The following TOGARAM1 variants were observed in gnomAD, a reference collection of about 807,000 sequenced individuals.
TOGARAM1 encodes the protein TOG array regulator of axonemal microtubules 1, also known as TOG array regulator of axonemal microtubules protein 1.
In TOGARAM1, 100 loss-of-function variants were observed where a neutral mutation model predicts 166.6. That is an observed-to-expected ratio of 0.60 (90% confidence interval 0.51 to 0.71). The LOEUF is 0.71. TOGARAM1 is among the 30% of genes least tolerant of loss of function. The probability of loss-of-function intolerance (pLI) is 0.00; values close to 1 mark genes in which losing one functional copy is unlikely to be tolerated. For synonymous variants in TOGARAM1, 758 were observed against 763.8 expected (o/e 0.99, Z 0.13); for missense variants, 2,029 against 2,102.7 (o/e 0.96, Z 0.69).
intron 1 of TOGARAM1, among the ~76,000 whole-genome samples, chr14:44,971,203 T>C (rs1420337519): frequency 6.6e-6 from 1 of 152,202 alleles, no homozygotes; most frequent in African/African-American, 2.4e-5. Context: ...CTTTCTGTTT[T>C]GGAAGGTTAT....
At chr14:45,015,307 AAAATAAAT>A (rs34431693) in intron 7 of TOGARAM1, among the ~76,000 whole-genome samples, 5,727 of 146,762 alleles carry the variant, frequency 0.039, 176 homozygotes, top group East Asian at 0.12. Flanking sequence ...CCTATCTCAA[AAAATAAAT>A]AAATAAATAA....
intron 16 of TOGARAM1, among the ~76,000 whole-genome samples, chr14:45,057,286 G>A (rs973132501): frequency 4.6e-5 from 7 of 152,062 alleles, no homozygotes; most frequent in African/African-American, 1.4e-4. Context: ...TGAATCTTGC[G>A]GGGTATGGGG....
intron 14 of TOGARAM1, among the ~76,000 whole-genome samples, chr14:45,049,642 A>G (rs1325461337): frequency 6.6e-6 from 1 of 152,150 alleles, no homozygotes; most frequent in African/African-American, 2.4e-5. Context: ...ACTGTACTAT[A>G]TGATATAACA....
At chr14:44,991,638 A>T (rs1887141031) in intron 1 of TOGARAM1, among the ~76,000 whole-genome samples, 1 of 152,210 alleles carries the variant, frequency 6.6e-6, no homozygotes, top group Admixed American at 6.5e-5. Context: ...TCAGTAAGGA[A>T]CTATGAGTCT....
chr14:45,046,774 T>G, intron 14 of TOGARAM1, 71 bp downstream of exon 14: 4 of 1,185,610 alleles, frequency 3.4e-6, no homozygotes, highest in Non-Finnish European at 4.3e-6. Context: ...AAAGAAAGTT[T>G]AAAGAAGAAT....
chr14:44,978,886 C>A (rs1171456940), intron 1 of TOGARAM1, among the ~76,000 whole-genome samples: 1 of 151,504 alleles, frequency 6.6e-6, no homozygotes, highest in African/African-American at 2.4e-5. Context: ...GTAGTCTCAG[C>A]TCCTCAGGAG....
At chr14:45,030,845 G>T (rs1881116847) in intron 10 of TOGARAM1, among the ~76,000 whole-genome samples, 1 of 152,118 alleles carries the variant, frequency 6.6e-6, no homozygotes, top group African/African-American at 2.4e-5. Flanking sequence ...CCACTCATTA[G>T]CAATGGAACC....
intron 2 of TOGARAM1, among the ~76,000 whole-genome samples, chr14:44,998,518 C>T (rs577662926): frequency 7.2e-5 from 11 of 152,262 alleles, no homozygotes; most frequent in Non-Finnish European, 1.3e-4. Context: ...AGTTCGAGAC[C>T]AGCCTTAAAT....
intron 1 of TOGARAM1, among the ~76,000 whole-genome samples, chr14:44,993,605 G>T (rs539797112): frequency 1.2e-3 from 175 of 152,140 alleles, no homozygotes; most frequent in South Asian, 5.6e-3. Context: ...TTCGTTCATT[G>T]TTTCGTCCCA....
chr14:44,966,591 A>G (rs572308713), intron 1 of TOGARAM1, among the ~76,000 whole-genome samples: 3 of 152,268 alleles, frequency 2.0e-5, no homozygotes, highest in African/African-American at 2.4e-5. Flanking sequence ...TAATAATTAC[A>G]TATTATTTTT....
intron 1 of TOGARAM1, among the ~76,000 whole-genome samples, chr14:44,987,230 T>C (rs1034143888): frequency 2.6e-5 from 4 of 151,770 alleles, no homozygotes; most frequent in Non-Finnish European, 5.9e-5. Flanking sequence ...TGAGCCACTG[T>C]GCCCAGCCAT....
chr14:44,962,623 G>A lies in TOGARAM1; in HGVS notation c.202G>A (p.Ala68Thr), dbSNP rs1885224542. ...CTGCCCCACTACAACTTCGCCTCTG[G>A]CCTCGGCCCTCTTGATGCCCTCGGA... is the stretch of plus-strand genomic sequence containing the variant. ...GSCPTTTSPL[A>T]SALLMPSEAV... Residue 68 changes from alanine to threonine, a missense_variant, in exon 1 of 20, where the codon GCC becomes ACC. Ala to Thr is a moderately conservative substitution (Grantham distance 58, BLOSUM62 0). Coordinates refer to ENST00000361462, the MANE Select transcript of TOGARAM1 (RefSeq NM_001308120.2). The A allele has an allele frequency of 6.2e-7, 1 of 1,613,776 alleles. No individual in the cohort carries two copies. Among genetic ancestry groups the A allele is most frequent in the Non-Finnish European group, 8.5e-7 (1 of 1,179,762 alleles).
At chr14:45,007,464 TATA>T (rs1395210053) in intron 5 of TOGARAM1, 1 of 152,146 alleles carries the variant, frequency 6.6e-6, no homozygotes, top group African/African-American at 2.4e-5. Flanking sequence ...GCTTTGTTTT[TATA>T]ATAACTTAAA....
intron 11 of TOGARAM1, among the ~76,000 whole-genome samples, chr14:45,035,060 G>A (rs749591574): frequency 2.4e-4 from 37 of 152,184 alleles, no homozygotes; most frequent in Non-Finnish European, 5.1e-4. Context: ...TAATGTCTGA[G>A]ATAGGAAATA....
intron 11 of TOGARAM1, among the ~76,000 whole-genome samples, chr14:45,032,793 C>A (rs547508056): frequency 1.3e-5 from 2 of 152,276 alleles, no homozygotes; most frequent in African/African-American, 4.8e-5. Context: ...CAATGTGCAT[C>A]CCACGTGTTT....
intron 13 of TOGARAM1, among the ~76,000 whole-genome samples, chr14:45,045,781 TTATC>T (rs1421466157): frequency 2.7e-5 from 4 of 146,370 alleles, no homozygotes; most frequent in African/African-American, 1.0e-4. Flanking sequence ...AACATTTTCT[TTATC>T]CACTGATTAG....
Position 44,963,328 on chromosome 14 carries a change from C to G in TOGARAM1, c.907C>G (p.Leu303Val). 1 of 1,614,204 alleles carries G rather than the reference C, an allele frequency of 6.2e-7. No homozygotes were observed. Among genetic ancestry groups the G allele is most frequent in the South Asian group, 1.1e-5 (1 of 91,084 alleles). Residue 303 changes from leucine (L) to valine (V), a missense_variant, in exon 1 of 20, where the codon CTG becomes GTG. Physicochemically the swap from Leu to Val is conservative, Grantham distance 32 (BLOSUM62 1). This residue lies in a region of TOGARAM1 where 1,453 missense variants were observed against 1,432.2 expected (regional missense o/e 1.01). Transcript: ENST00000361462. ...QSYISRLPSA[L>V]RRHYNRRLES... ...TTACATTTCTCGTCTGCCCTCTGCC[C>G]TGAGGAGACACTACAATCGCCGCCT...
At chr14:44,968,475 C>G (rs1030137701) in intron 1 of TOGARAM1, among the ~76,000 whole-genome samples, 1 of 152,188 alleles carries the variant, frequency 6.6e-6, no homozygotes, top group Non-Finnish European at 1.5e-5. Context: ...GTCTCGATCT[C>G]CTGACCTCGT....
chr14:45,046,223 C>T (rs1398937255), intron 13 of TOGARAM1, among the ~76,000 whole-genome samples: 1 of 152,078 alleles, frequency 6.6e-6, no homozygotes, highest in Non-Finnish European at 1.5e-5. Context: ...CCCTTGAGTC[C>T]AGGAGTTCGA....
Sources: allele counts gnomAD v4.1 joint callset (sites outside exome capture counted in the v4.1 genomes callset), GRCh38; gene constraint gnomAD v4.1.1; regional missense constraint gnomAD v4.1.1; transcripts MANE v1.5; gene names NCBI Gene and HGNC (gene_info 2026-07-23, HGNC 2026-07-21).